DIPK2A: variants seen among roughly 807,000 people sequenced by gnomAD.
The protein encoded by DIPK2A is Golgi Protein of 49 kDa.
DIPK2A carries 27 observed loss-of-function variants against 39.0 expected under a neutral mutation model. That is an observed-to-expected ratio of 0.69 (90% CI 0.51 to 0.96). DIPK2A has a LOEUF of 0.96. Ranked by LOEUF, DIPK2A falls within the 40% of genes least tolerant of loss-of-function variation. DIPK2A has a pLI of 0.00. For missense variants in DIPK2A, 528 were observed against 571.3 expected (o/e 0.92, Z 0.77); for synonymous variants, 298 against 240.8 (o/e 1.24, Z -2.20).
rs992279485 is a variant in DIPK2A, at chr3:143,972,608, C to T, written c.276C>T (p.Tyr92=). ...ACTTCCTCAACGTGAAGAACGTGTA[C>T]TTCGCGCAGTACGGCGAGCCCCGCG... is the stretch of plus-strand genomic sequence containing the variant. ...LLDFLNVKNV[Y]FAQYGEPREG... The change falls in exon 1 of 3, where the codon TAC becomes TAT. Residue 92 remains tyrosine, a synonymous_variant. Transcript: ENST00000315691. The T allele has an allele frequency of 7.4e-6, 12 of 1,612,074 alleles. No homozygotes were observed. In the African/African-American group the frequency reaches 1.3e-4, roughly 18 times the overall value.
intron 1 of DIPK2A, among the ~76,000 whole-genome samples, chr3:143,976,262 A>G (rs905565255): frequency 3.3e-5 from 5 of 152,058 alleles, no homozygotes; most frequent in Admixed American, 6.5e-5. Flanking sequence ...AGATAATGCT[A>G]GTAGTACCTT....
chr3:143,991,387 T>C lies in DIPK2A; in HGVS notation c.*1546T>C, dbSNP rs931215353. On this transcript the variant is annotated 3_prime_UTR_variant, in exon 3 of 3. Coordinates refer to ENST00000315691, the MANE Select transcript of DIPK2A (RefSeq NM_173552.5). ...GAACATGACATACGGTTAAGTAACTTTACAATTATTATCAAATACTTCAAT... is the reference window on the plus strand; with the variant it reads ...GAACATGACATACGGTTAAGTAACTCTACAATTATTATCAAATACTTCAAT... 1 of 152,634 alleles carries C rather than the reference T, an allele frequency of 6.6e-6. No homozygotes were observed. The highest frequency in any genetic ancestry group is 2.1e-4 in the South Asian group (1 of 4,834). The allele number at this position is 152,634 out of a possible 1,614,324, so 9.5% of individuals were successfully genotyped here. A position where few individuals can be genotyped will look rare whatever the true frequency, so the allele number is the denominator to read the frequency against.
At chr3:143,978,903 G>A (rs1265611946) in intron 1 of DIPK2A, among the ~76,000 whole-genome samples, 4 of 151,454 alleles carry the variant, frequency 2.6e-5, no homozygotes, top group Non-Finnish European at 5.9e-5. Flanking sequence ...TAATGTTTCC[G>A]ATTCTAAGTT....
Position 143,990,173 on chromosome 3 carries a change from A to G in DIPK2A, c.*332A>G, listed in dbSNP as rs1010096200. The G allele has an allele frequency of 5.1e-6, 1 of 196,594 alleles. No homozygotes were observed. The highest frequency in any genetic ancestry group is 2.3e-5 in the African/African-American group (1 of 43,150). The allele number at this position is 196,594 out of a possible 1,614,324, so 12.2% of individuals were successfully genotyped here. ...TACATTGGCTTGTGTATCAAAGGGT[A>G]CTTGGTACTTAGTTTGCATTTACTA... On this transcript the variant is annotated 3_prime_UTR_variant, in exon 3 of 3. Transcript: ENST00000315691.
chr3:143,990,423 T>C lies in DIPK2A; in HGVS notation c.*582T>C, dbSNP rs2087965847. ...GTTAGGGCAGGATTCCCAGGTTTAC[T>C]GTGTTTTTTTTTTTTTTTTTTAAAG... On this transcript the variant is annotated 3_prime_UTR_variant, in exon 3 of 3. Coordinates refer to ENST00000315691, the MANE Select transcript of DIPK2A (RefSeq NM_173552.5). The C allele has an allele frequency of 6.6e-6, 1 of 150,690 alleles. No homozygotes were observed. Among genetic ancestry groups the C allele is most frequent in the Non-Finnish European group, 1.5e-5 (1 of 67,514 alleles). The allele number at this position is 150,690 out of a possible 1,614,324, so 9.3% of individuals were successfully genotyped here.
Position 143,981,139 on chromosome 3 carries a change from G to A in DIPK2A, c.658-4404G>A, listed in dbSNP as rs145133808. ...GGCCTTATTAACCTGGCAGGATGGT[G>A]GATATTGATCAAAGGGTTATCGTGA... On this transcript the variant is annotated intron_variant, in intron 1 of 2. Transcript: ENST00000315691. Among the ~76,000 whole-genome samples, 449 of 152,222 alleles carry A rather than the reference G, an allele frequency of 2.9e-3. 1 individual carries two copies. The highest frequency in any genetic ancestry group is 0.01 in the African/African-American group (420 of 41,542).
At chr3:143,980,192 A>G (rs2087807256) in intron 1 of DIPK2A, among the ~76,000 whole-genome samples, 1 of 152,170 alleles carries the variant, frequency 6.6e-6, no homozygotes, top group Non-Finnish European at 1.5e-5. Flanking sequence ...GCGTTACTAC[A>G]ATGGGATTTC....
At chr3:143,980,505 G>A (rs541349151) in intron 1 of DIPK2A, among the ~76,000 whole-genome samples, 24 of 152,220 alleles carry the variant, frequency 1.6e-4, no homozygotes, top group Middle Eastern at 3.4e-3. Flanking sequence ...GACCTTAGGT[G>A]ATCTGCCCAC....
Position 143,990,428 on chromosome 3 carries a change from T to G in DIPK2A, c.*587T>G, listed in dbSNP as rs545143818. The G allele has an allele frequency of 0.012, 1,666 of 134,012 alleles. 11 individuals carry two copies. The highest frequency in any genetic ancestry group is 0.019 in the Non-Finnish European group (1,168 of 60,216). 8.3% of individuals were successfully genotyped at this position (134,012 alleles called of 1,614,324 possible). On this transcript the variant is annotated 3_prime_UTR_variant, in exon 3 of 3. Coordinates refer to ENST00000315691, the MANE Select transcript of DIPK2A (RefSeq NM_173552.5). ...GGCAGGATTCCCAGGTTTACTGTGT[T>G]TTTTTTTTTTTTTTTTAAAGAAAGC...
intron 1 of DIPK2A, among the ~76,000 whole-genome samples, chr3:143,981,655 G>A (rs749149083): frequency 1.3e-5 from 2 of 151,954 alleles, no homozygotes; most frequent in Admixed American, 6.5e-5. Flanking sequence ...TTCTTAAACA[G>A]ATGATAAATA....
chr3:143,973,729 A>G lies in DIPK2A; in HGVS notation c.657+740A>G, dbSNP rs2087690737. 8.1e-6 allele frequency: 5 copies of G among 620,310 alleles called. No homozygotes were observed. In the South Asian group the frequency reaches 9.8e-5, roughly 12 times the overall value. 38.4% of individuals were successfully genotyped at this position (620,310 alleles called of 1,614,324 possible). A position where few individuals can be genotyped will look rare whatever the true frequency, so the allele number is the denominator to read the frequency against. On this transcript the variant is annotated intron_variant, in intron 1 of 2. Coordinates refer to ENST00000315691, the MANE Select transcript of DIPK2A (RefSeq NM_173552.5). ...TGGTAATCTAGTTGAAGGGAGATGA[A>G]ATATTAGGCCAGGGCGAGTATCAGG...
intron 1 of DIPK2A, among the ~76,000 whole-genome samples, chr3:143,982,258 G>T (rs2087837280): frequency 6.6e-6 from 1 of 152,122 alleles, no homozygotes; most frequent in African/African-American, 2.4e-5. Flanking sequence ...CACTCTATTT[G>T]GAAGGGGGTT....
At chr3:143,979,784 C>T (rs721573) in intron 1 of DIPK2A, among the ~76,000 whole-genome samples, 4,253 of 152,054 alleles carry the variant, frequency 0.028, 198 homozygotes, top group African/African-American at 0.096. Flanking sequence ...TGTGTTTTGA[C>T]ATCAGTTTCC....
chr3:143,991,979 A>G lies in DIPK2A; in HGVS notation c.*2138A>G, dbSNP rs563985709. On this transcript the variant is annotated 3_prime_UTR_variant, in exon 3 of 3. Coordinates refer to ENST00000315691, the MANE Select transcript of DIPK2A (RefSeq NM_173552.5). ...CTACTTGAGGTAGTTTTTTACAACT[A>G]CCATTTCCCCTCCATGAAATTATGT... 7.9e-5 allele frequency: 12 copies of G among 152,632 alleles called. No homozygotes were observed. The South Asian group carries it at 2.3e-3, about 29-fold the overall frequency. The allele number at this position is 152,632 out of a possible 1,614,324, so 9.5% of individuals were successfully genotyped here.
intron 1 of DIPK2A, 89 bp downstream of exon 1, chr3:143,973,078 GC>G (rs1048439606): frequency 2.5e-5 from 36 of 1,463,284 alleles, no homozygotes; most frequent in Non-Finnish European, 3.1e-5. Flanking sequence ...AGCGCTTGCC[GC>G]CAGTTCGGAC....
rs987376026 is a variant in DIPK2A, at chr3:143,986,656, C to T, written c.961+810C>T. 1.2e-4 allele frequency among the ~76,000 whole-genome samples: 18 copies of T among 145,518 alleles called. No individual in the cohort carries two copies. The East Asian group carries it at 3.1e-3, about 25-fold the overall frequency. On this transcript the variant is annotated intron_variant, in intron 2 of 2. Transcript: ENST00000315691. The stretch of plus-strand genomic sequence containing the variant: ...GGAGAATGGCGTGAACCCCAGGGGG[C>T]GGAGCCTGCAGTGAGCCGAGATTGC...
intron 1 of DIPK2A, among the ~76,000 whole-genome samples, chr3:143,980,558 G>A (rs1044226479): frequency 1.3e-5 from 2 of 151,958 alleles, no homozygotes; most frequent in Admixed American, 6.6e-5. Flanking sequence ...TGAAGCCACC[G>A]CGCCTGGCCC....
intron 1 of DIPK2A, chr3:143,978,498 A>G (rs1309032750): frequency 6.6e-6 from 1 of 152,156 alleles, no homozygotes; most frequent in Non-Finnish European, 1.5e-5. Context: ...TGGCCGTAGG[A>G]AACAAGTAGC....
chr3:143,984,470 ATTG>A (rs371232163), intron 1 of DIPK2A, among the ~76,000 whole-genome samples: 450 of 151,640 alleles, frequency 3.0e-3, no homozygotes, highest in African/African-American at 0.01. Flanking sequence ...TAATTTCAGT[ATTG>A]TTGTGTCTCA....
Sources: allele counts gnomAD v4.1 joint callset (sites outside exome capture counted in the v4.1 genomes callset), GRCh38; gene constraint gnomAD v4.1.1; transcripts MANE v1.5; gene names NCBI Gene and HGNC (gene_info 2026-07-23, HGNC 2026-07-21).